RBFOX1: variants seen among roughly 807,000 people sequenced by gnomAD.
RBFOX1 encodes the protein RNA binding protein fox-1 homolog 1.
RBFOX1 carries 8 observed loss-of-function variants against 57.7 expected under a neutral mutation model. The observed-to-expected ratio is 0.14, with a 90% CI of 0.08 to 0.25. The LOEUF (loss-of-function observed/expected upper bound fraction) is 0.25. Ranked by LOEUF, RBFOX1 falls within the 10% of genes least tolerant of loss-of-function variation. The pLI is 1.00. For synonymous variants in RBFOX1, 326 were observed against 222.4 expected (o/e 1.47, Z -4.15); for missense variants, 611 against 548.5 (o/e 1.11, Z -1.14).
At chr16:6,542,387 C>A (rs2153834206) in intron 2 of RBFOX1, among the ~76,000 whole-genome samples, 1 of 150,950 alleles carries the variant, frequency 6.6e-6, no homozygotes, top group South Asian at 2.1e-4. Context: ...GAGGGTTTTA[C>A]CCCATGTGTG....
At chr16:6,066,898 G>C (rs1444844124) in intron 1 of RBFOX1, among the ~76,000 whole-genome samples, 7 of 152,040 alleles carry the variant, frequency 4.6e-5, no homozygotes, top group Admixed American at 1.3e-4. Flanking sequence ...GGCTGCATTT[G>C]ACCGTTGACT....
intron 4 of RBFOX1, among the ~76,000 whole-genome samples, chr16:7,111,759 T>C (rs1277263524): frequency 6.7e-6 from 1 of 149,740 alleles, no homozygotes; most frequent in Non-Finnish European, 1.5e-5. Flanking sequence ...TTTTGTACTT[T>C]TTTTTTTTTA....
chr16:6,822,106 T>G (rs2091411266), intron 3 of RBFOX1, among the ~76,000 whole-genome samples: 1 of 152,074 alleles, frequency 6.6e-6, no homozygotes. Context: ...CTGCAGCTAC[T>G]GGGGGAGACA....
At position 5,562,503 on chromosome 16, in the gene RBFOX1, G is replaced by GC. The variant is rs200883639; in HGVS notation, c.259-36399_259-36398insC. ...TTCTCCAGGGCCAGGAGGAGAAGAA[G>GC]GGGGAGGACCTGGGGGAGACAGGAA... is the stretch of plus-strand genomic sequence containing the variant. On this transcript the variant is annotated intron_variant, in intron 2 of 2. Coordinates refer to the RBFOX1 transcript ENST00000585867. 4.3e-5 allele frequency among the ~76,000 whole-genome samples: 4 copies of GC among 93,226 alleles called. No homozygotes were observed. The East Asian group carries it at 1.1e-3, about 25-fold the overall frequency. The allele number at this position is 93,226 out of a possible 152,430, so 61.2% of individuals were successfully genotyped here.
intron 2 of RBFOX1, among the ~76,000 whole-genome samples, chr16:6,353,339 T>C (rs2086720206): frequency 6.6e-6 from 1 of 152,026 alleles, no homozygotes; most frequent in African/African-American, 2.4e-5. Context: ...AATTTATTTA[T>C]TTCTGTGCTT....
chr16:7,239,937 CA>C (rs1281183043), intron 4 of RBFOX1, among the ~76,000 whole-genome samples: 1 of 152,098 alleles, frequency 6.6e-6, no homozygotes, highest in African/African-American at 2.4e-5. Flanking sequence ...AATCAAATTC[CA>C]AAACTTCCTA....
intron 2 of RBFOX1, among the ~76,000 whole-genome samples, chr16:5,578,320 T>G (rs892594205): frequency 6.6e-6 from 1 of 152,084 alleles, no homozygotes; most frequent in Non-Finnish European, 1.5e-5. Flanking sequence ...TGGCATCTGG[T>G]CTTTCTGGCA....
intron 2 of RBFOX1, among the ~76,000 whole-genome samples, chr16:5,565,141 G>A (rs1325821242): frequency 6.6e-6 from 1 of 152,170 alleles, no homozygotes; most frequent in African/African-American, 2.4e-5. Flanking sequence ...GGGATACTAA[G>A]TGGCAGACAT....
intron 3 of RBFOX1, among the ~76,000 whole-genome samples, chr16:6,862,689 C>G (rs1429802417): frequency 6.6e-6 from 1 of 152,064 alleles, no homozygotes; most frequent in African/African-American, 2.4e-5. Context: ...TTGGAATCAT[C>G]ACAGATGCTG....
At chr16:6,895,539 G>C (rs1344016531) in intron 3 of RBFOX1, among the ~76,000 whole-genome samples, 2 of 144,250 alleles carry the variant, frequency 1.4e-5, no homozygotes, top group Non-Finnish European at 3.0e-5. Context: ...ACCTCTACAA[G>C]GCAGCTGCAC....
At chr16:6,135,834 G>A (rs753723877) in intron 1 of RBFOX1, among the ~76,000 whole-genome samples, 87 of 120,754 alleles carry the variant, frequency 7.2e-4, no homozygotes, top group Admixed American at 1.3e-3. Flanking sequence ...TTGCTCTGTC[G>A]CCCAGGCTGG....
intron 3 of RBFOX1, among the ~76,000 whole-genome samples, chr16:7,036,734 GA>G (rs869242850): frequency 0.01 from 528 of 51,654 alleles, 3 homozygotes; most frequent in Middle Eastern, 0.044. Context: ...AACAAACAAA[GA>G]AAAAAAAAAA....
chr16:7,034,616 G>T (rs1277102376), intron 3 of RBFOX1, among the ~76,000 whole-genome samples: 2 of 151,862 alleles, frequency 1.3e-5, no homozygotes, highest in African/African-American at 4.8e-5. Context: ...CAATGTTTTT[G>T]TGTCTATCTC....
intron 2 of RBFOX1, among the ~76,000 whole-genome samples, chr16:6,479,119 T>A (rs1444111309): frequency 1.3e-5 from 2 of 152,192 alleles, no homozygotes; most frequent in African/African-American, 4.8e-5. Flanking sequence ...TAAGCGTGTA[T>A]ACAACTTTAA....
intron 1 of RBFOX1, among the ~76,000 whole-genome samples, chr16:6,168,127 C>T (rs1263537881): frequency 2.0e-5 from 3 of 152,132 alleles, no homozygotes; most frequent in Non-Finnish European, 2.9e-5. Context: ...CATTTTAATT[C>T]GTTTTCCCTC....
intron 4 of RBFOX1, among the ~76,000 whole-genome samples, chr16:7,368,403 A>G (rs968213212): frequency 1.3e-5 from 2 of 151,960 alleles, no homozygotes; most frequent in Non-Finnish European, 2.9e-5. Flanking sequence ...TTACCAGAAA[A>G]CCAGCATCAT....
intron 3 of RBFOX1, among the ~76,000 whole-genome samples, chr16:5,802,719 C>T (rs1278041290): frequency 6.6e-6 from 1 of 152,132 alleles, no homozygotes; most frequent in Non-Finnish European, 1.5e-5. Context: ...TAACTAAAGC[C>T]CTTCTGGATT....
intron 2 of RBFOX1, among the ~76,000 whole-genome samples, chr16:6,329,802 G>C (rs1441045641): frequency 1.3e-5 from 2 of 152,138 alleles, no homozygotes; most frequent in South Asian, 2.1e-4. Context: ...AGTGGGAATA[G>C]TGTCACACAC....
intron 3 of RBFOX1, among the ~76,000 whole-genome samples, chr16:6,770,958 C>T (rs1016998047): frequency 1.3e-5 from 2 of 152,110 alleles, no homozygotes; most frequent in African/African-American, 4.8e-5. Flanking sequence ...TCCACTACCC[C>T]CGATTCAAAT....
Sources: allele counts gnomAD v4.1 joint callset (sites outside exome capture counted in the v4.1 genomes callset), GRCh38; gene constraint gnomAD v4.1.1; transcripts MANE v1.5; gene names NCBI Gene and HGNC (gene_info 2026-07-23, HGNC 2026-07-21).